KCNMB4: variants seen among roughly 807,000 people sequenced by gnomAD.
KCNMB4 encodes the protein potassium calcium-activated channel subfamily M regulatory beta subunit 4.
KCNMB4 carries 3 observed loss-of-function variants against 20.7 expected under a neutral mutation model. That is an observed-to-expected ratio of 0.14 (90% CI 0.07 to 0.37). KCNMB4 has a LOEUF of 0.37. Ranked by LOEUF, KCNMB4 falls within the 10% of genes least tolerant of loss-of-function variation. The probability of loss-of-function intolerance (pLI) is 1.00; values close to 1 mark genes in which losing one functional copy is unlikely to be tolerated. For synonymous variants in KCNMB4, 110 were observed against 113.4 expected (o/e 0.97, Z 0.19); for missense variants, 168 against 265.9 (o/e 0.63, Z 2.56).
At chr12:70,402,654 C>CAAAAAAAAAAAAAAAAAAAAAGGAA (rs1555212680) in intron 2 of KCNMB4, among the ~76,000 whole-genome samples, 1 of 75,108 alleles carries the variant, frequency 1.3e-5, no homozygotes, top group Non-Finnish European at 2.5e-5. Flanking sequence ...GACCCTGCCT[C>CAAAAAAAAAAAAAAAAAAAAAGGAA]AAAAAAAAAA....
At chr12:70,419,730 A>G (rs1346755535) in intron 2 of KCNMB4, among the ~76,000 whole-genome samples, 1 of 152,222 alleles carries the variant, frequency 6.6e-6, no homozygotes, top group Non-Finnish European at 1.5e-5. Context: ...CATTTGATAA[A>G]AAATAAAGTT....
chr12:70,409,751 G>C (rs754219286), intron 2 of KCNMB4, among the ~76,000 whole-genome samples: 3 of 152,170 alleles, frequency 2.0e-5, no homozygotes, highest in Admixed American at 6.5e-5. Flanking sequence ...TAGGTAAAAA[G>C]CTAGGGGGAG....
intron 2 of KCNMB4, among the ~76,000 whole-genome samples, chr12:70,423,436 A>G (rs867613314): frequency 1.3e-5 from 2 of 152,040 alleles, no homozygotes; most frequent in African/African-American, 2.4e-5. Context: ...AGCAAACCAT[A>G]ATCTTGTTAT....
intron 2 of KCNMB4, among the ~76,000 whole-genome samples, chr12:70,429,666 C>CAAAAA (rs11320039): frequency 8.5e-6 from 1 of 117,188 alleles, no homozygotes; most frequent in Non-Finnish European, 1.7e-5. Flanking sequence ...GACTCCATCT[C>CAAAAA]AAAAAAAAAA....
chr12:70,372,298 G>A (rs1883610134), intron 1 of KCNMB4, among the ~76,000 whole-genome samples: 1 of 152,166 alleles, frequency 6.6e-6, no homozygotes, highest in Admixed American at 6.5e-5. Flanking sequence ...ATTAAGCGGG[G>A]CTGAAATATC....
intron 1 of KCNMB4, among the ~76,000 whole-genome samples, chr12:70,374,034 T>C (rs1379231379): frequency 6.6e-6 from 1 of 152,228 alleles, no homozygotes; most frequent in Non-Finnish European, 1.5e-5. Context: ...ATGATCTATC[T>C]GTCTGAGATT....
chr12:70,419,735 A>G (rs558110678), intron 2 of KCNMB4, among the ~76,000 whole-genome samples: 1 of 152,364 alleles, frequency 6.6e-6, no homozygotes. Context: ...GATAAAAAAT[A>G]AAGTTGAAAA....
chr12:70,406,728 C>G (rs1270044614), intron 2 of KCNMB4, among the ~76,000 whole-genome samples: 1 of 152,082 alleles, frequency 6.6e-6, no homozygotes, highest in African/African-American at 2.4e-5. Flanking sequence ...CTCTCACTCC[C>G]CACTTGGGAA....
intron 2 of KCNMB4, among the ~76,000 whole-genome samples, chr12:70,407,553 C>T (rs1291721587): frequency 4.8e-5 from 7 of 144,742 alleles, no homozygotes; most frequent in African/African-American, 7.8e-5. Flanking sequence ...CTGCAAGCTC[C>T]GCCTCCCGGG....
intron 1 of KCNMB4, among the ~76,000 whole-genome samples, chr12:70,393,885 C>G (rs1210152296): frequency 6.6e-6 from 1 of 152,134 alleles, no homozygotes; most frequent in Non-Finnish European, 1.5e-5. Context: ...CCATACACAG[C>G]CTCTGTACAT....
chr12:70,420,663 A>G (rs1411030369), intron 2 of KCNMB4, among the ~76,000 whole-genome samples: 1 of 152,226 alleles, frequency 6.6e-6, no homozygotes, highest in Non-Finnish European at 1.5e-5. Flanking sequence ...AAGCTACTAG[A>G]GCAGCAATAG....
intron 1 of KCNMB4, among the ~76,000 whole-genome samples, chr12:70,383,071 C>T (rs1292578263): frequency 6.6e-6 from 1 of 152,140 alleles, no homozygotes; most frequent in Non-Finnish European, 1.5e-5. Context: ...AGTAAAAATA[C>T]AGTATTATAA....
chr12:70,430,811 G>A lies in KCNMB4; in HGVS notation c.*158G>A. 6.5e-6 allele frequency: 4 copies of A among 616,124 alleles called. No individual in the cohort carries two copies. Among genetic ancestry groups the A allele is most frequent in the Middle Eastern group, 4.4e-4 (1 of 2,292 alleles). The allele number at this position is 616,124 out of a possible 1,614,324, so 38.2% of individuals were successfully genotyped here. On this transcript the variant is annotated 3_prime_UTR_variant, in exon 3 of 3. Coordinates refer to ENST00000258111, the MANE Select transcript of KCNMB4 (RefSeq NM_014505.6). ...GTGGCAACAGAAACAGGCACAACTG[G>A]AAGACTTGGAACCTCAAAGCTTGTA... is the stretch of plus-strand genomic sequence containing the variant.
chr12:70,416,629 A>AG (rs987878646), intron 2 of KCNMB4, among the ~76,000 whole-genome samples: 2 of 152,214 alleles, frequency 1.3e-5, no homozygotes, highest in Non-Finnish European at 1.5e-5. Flanking sequence ...TTAGGAAAAG[A>AG]GCCTCAAAAT....
chr12:70,407,674 A>G (rs1228514296), intron 2 of KCNMB4, among the ~76,000 whole-genome samples: 1 of 151,498 alleles, frequency 6.6e-6, no homozygotes, highest in African/African-American at 2.4e-5. Context: ...TCACCGTGTT[A>G]GCCAGGATGG....
intron 1 of KCNMB4, among the ~76,000 whole-genome samples, chr12:70,378,009 G>A (rs1182342395): frequency 6.7e-6 from 1 of 149,880 alleles, no homozygotes; most frequent in African/African-American, 2.5e-5. Flanking sequence ...GAGTGCAGTG[G>A]TGTAATCTCG....
chr12:70,407,354 T>C (rs978738638), intron 2 of KCNMB4, among the ~76,000 whole-genome samples: 1 of 151,766 alleles, frequency 6.6e-6, no homozygotes, highest in Non-Finnish European at 1.5e-5. Context: ...TTTATGGCTA[T>C]TACATAGGCA....
Position 70,430,360 on chromosome 12 carries a change from G to C in KCNMB4, c.465-125G>C. 4.1e-6 allele frequency: 4 copies of C among 983,334 alleles called. No individual in the cohort carries two copies. The South Asian group carries it at 4.4e-5, about 11-fold the overall frequency. 60.9% of individuals were successfully genotyped at this position (983,334 alleles called of 1,614,324 possible). A position where few individuals can be genotyped will look rare whatever the true frequency, so the allele number is the denominator to read the frequency against. On this transcript the variant is annotated intron_variant, in intron 2 of 2. Coordinates refer to ENST00000258111, the MANE Select transcript of KCNMB4 (RefSeq NM_014505.6). Reference sequence around the variant, plus strand: ...GAAGCACAAAAATACAGTGTTTATAGTCAGAGTGCAGCCTTTACTTTCAAT... The same window carrying C: ...GAAGCACAAAAATACAGTGTTTATACTCAGAGTGCAGCCTTTACTTTCAAT...
chr12:70,375,525 C>T (rs1883670405), intron 1 of KCNMB4, among the ~76,000 whole-genome samples: 1 of 151,832 alleles, frequency 6.6e-6, no homozygotes, highest in Non-Finnish European at 1.5e-5. Flanking sequence ...CACTGGTAGT[C>T]CTAGCTACTC....
Sources: gnomAD v4.1 joint callset for allele counts (sites outside exome capture counted in the v4.1 genomes callset) on GRCh38, gnomAD v4.1.1 for gene constraint, MANE v1.5 for transcripts, NCBI Gene and HGNC (gene_info 2026-07-23, HGNC 2026-07-21) for gene names.